The following CKAP2L variants were observed in gnomAD, a reference collection of about 807,000 sequenced individuals.
CKAP2L encodes cytoskeleton associated protein 2L.
CKAP2L carries 42 observed loss-of-function variants against 65.7 expected under a neutral mutation model. That is an observed-to-expected ratio of 0.64 (90% CI 0.50 to 0.83). The LOEUF (loss-of-function observed/expected upper bound fraction) is 0.83, where lower values mean the gene tolerates loss of function less well. Among genes scored for constraint, CKAP2L ranks in the 40% least tolerant of loss-of-function variants. The pLI is 0.00. For missense variants in CKAP2L, 908 were observed against 871.0 expected (o/e 1.04, Z -0.53); for synonymous variants, 325 against 313.5 (o/e 1.04, Z -0.39).
chr2:112,745,255 A>T (rs1680169266), intron 6 of CKAP2L, among the ~76,000 whole-genome samples: 1 of 152,240 alleles, frequency 6.6e-6, no homozygotes, highest in Non-Finnish European at 1.5e-5. Flanking sequence ...TTTGTGAATT[A>T]ATTATATAAT....
intron 5 of CKAP2L, among the ~76,000 whole-genome samples, chr2:112,748,435 C>T (rs1017807953): frequency 7.8e-6 from 1 of 128,830 alleles, no homozygotes; most frequent in African/African-American, 3.0e-5. Flanking sequence ...TTCCCCCAGC[C>T]AAACTATGAT....
intron 4 of CKAP2L, among the ~76,000 whole-genome samples, chr2:112,752,986 A>T (rs1007545692): frequency 6.6e-6 from 1 of 152,206 alleles, no homozygotes; most frequent in Non-Finnish European, 1.5e-5. Flanking sequence ...CTATAAAGTC[A>T]GGGCTCTTAA....
intron 6 of CKAP2L, among the ~76,000 whole-genome samples, chr2:112,743,764 A>C (rs1307570739): frequency 6.6e-6 from 1 of 152,098 alleles, no homozygotes; most frequent in Non-Finnish European, 1.5e-5. Flanking sequence ...AGGCATTTTG[A>C]GTAATTTTCT....
At chr2:112,762,946 A>G (rs913872605) in intron 1 of CKAP2L, among the ~76,000 whole-genome samples, 6 of 152,056 alleles carry the variant, frequency 3.9e-5, no homozygotes, top group African/African-American at 1.4e-4. Context: ...ACCATGCTGG[A>G]TAATTTTAAA....
In CKAP2L at chr2:112,756,582, T is replaced by C. The variant is rs17042341; in HGVS notation, c.789A>G (p.Arg263=). The C allele has an allele frequency of 4.3e-6, 7 of 1,612,986 alleles. No homozygotes were observed. The highest frequency in any genetic ancestry group is 2.5e-6 in the Non-Finnish European group (3 of 1,179,672). Reference sequence around the variant, plus strand: ...CTCCTGGTCTTGCAAGATCTGCTCCTCTAGAGAGTTGCTGTGATTTTACTG... The same window carrying C: ...CTCCTGGTCTTGCAAGATCTGCTCCCCTAGAGAGTTGCTGTGATTTTACTG... ...TFPVKSQQLS[R]GADLARPGVK... The change falls in exon 4 of 9, where the codon AGA becomes AGG. Residue 263 remains arginine (R), a synonymous_variant. Coordinates refer to ENST00000302450, the MANE Select transcript of CKAP2L (RefSeq NM_152515.5).
intron 1 of CKAP2L, 86 bp downstream of exon 1, chr2:112,764,476 C>A (rs1378101347): frequency 6.8e-7 from 1 of 1,467,882 alleles, no homozygotes; most frequent in Non-Finnish European, 9.5e-7. Flanking sequence ...CGGGCACCTC[C>A]CGCGGGACGA....
In CKAP2L at chr2:112,752,292, G is replaced by C. The variant is rs1680394616; in HGVS notation, c.1577C>G (p.Thr526Arg). ...CCCTTCGATGAGGTTCAGACATTCTGTCAGAGTGTTGTTAATTTTACTGGA... is the reference window on the plus strand; with the variant it reads ...CCCTTCGATGAGGTTCAGACATTCTCTCAGAGTGTTGTTAATTTTACTGGA... ...ELSSKINNTL[T>R]ECLNLIEGGV... Residue 526 changes from threonine (T) to arginine (R), a missense_variant, in exon 5 of 9, where the codon ACA becomes AGA. Coordinates refer to ENST00000302450, the MANE Select transcript of CKAP2L (RefSeq NM_152515.5). The C allele has an allele frequency of 2.5e-6, 4 of 1,613,728 alleles. No homozygotes were observed. Among genetic ancestry groups the C allele is most frequent in the African/African-American group, 1.3e-5 (1 of 74,924 alleles).
At chr2:112,761,929 A>G (rs1205963967) in intron 2 of CKAP2L, among the ~76,000 whole-genome samples, 1 of 152,266 alleles carries the variant, frequency 6.6e-6, no homozygotes, top group Non-Finnish European at 1.5e-5. Flanking sequence ...TAATTTTCAA[A>G]TAAATACTTA....
At position 112,738,203 on chromosome 2, in the gene CKAP2L, G is replaced by A. The variant is rs889204919; in HGVS notation, c.*620C>T. On this transcript the variant is annotated 3_prime_UTR_variant, in exon 9 of 9. Coordinates refer to ENST00000302450, the MANE Select transcript of CKAP2L (RefSeq NM_152515.5). ...CTAGGTTTGAATATAAAAGCTAGAC[G>A]ACCATGCCAATTCAGGATTGTGTTT... 1.3e-5 allele frequency: 2 copies of A among 152,138 alleles called. No individual in the cohort carries two copies. The highest frequency in any genetic ancestry group is 1.9e-4 in the East Asian group (1 of 5,194). 9.4% of individuals were successfully genotyped at this position (152,138 alleles called of 1,614,324 possible).
chr2:112,756,918 C>T lies in CKAP2L; in HGVS notation c.453G>A (p.Lys151=). 1 of 1,614,192 alleles carries T rather than the reference C, an allele frequency of 6.2e-7. No individual in the cohort carries two copies. The highest frequency in any genetic ancestry group is 8.5e-7 in the Non-Finnish European group (1 of 1,180,016). The change falls in exon 4 of 9, where the codon AAG becomes AAA. Residue 151 remains lysine (K), a synonymous_variant. Coordinates refer to ENST00000302450, the MANE Select transcript of CKAP2L (RefSeq NM_152515.5). ...CATTTCCTTGATCTGTTAACTGCTG[C>T]TTTGTAGTTTTCAATTGCTCTATAT... The part of the protein sequence containing the change: ...SLNIEQLKTT[K]QQLTDQGNGK...
chr2:112,747,665 C>T (rs1001009126), intron 5 of CKAP2L, among the ~76,000 whole-genome samples: 1 of 152,202 alleles, frequency 6.6e-6, no homozygotes, highest in Non-Finnish European at 1.5e-5. Flanking sequence ...CCCAGAAATC[C>T]AGGTACTGGC....
In CKAP2L at chr2:112,738,995, C is replaced by T. The variant is rs201984824; in HGVS notation, c.2066G>A (p.Arg689His). Residue 689 changes from arginine (R) to histidine (H), a missense_variant, in exon 9 of 9, where the codon CGT (arginine) becomes CAT (histidine). Physicochemically the swap from Arg to His is conservative, Grantham distance 29. Coordinates refer to ENST00000302450, the MANE Select transcript of CKAP2L (RefSeq NM_152515.5). ...QDMKFITPVR[R>H]SSRIERAVSR... Reference sequence around the variant, plus strand: ...CACTGCTCGCTCAATCCTCGACGAACGCCGTACAGGAGTGATAAATTTCAT... The same window carrying T: ...CACTGCTCGCTCAATCCTCGACGAATGCCGTACAGGAGTGATAAATTTCAT... The T allele has an allele frequency of 1.1e-4, 173 of 1,614,032 alleles. No homozygotes were observed. Among genetic ancestry groups the T allele is most frequent in the Non-Finnish European group, 1.3e-4 (157 of 1,180,030 alleles).
At chr2:112,750,088 T>C (rs1680320191) in intron 5 of CKAP2L, among the ~76,000 whole-genome samples, 2 of 152,092 alleles carry the variant, frequency 1.3e-5, no homozygotes, top group Admixed American at 1.3e-4. Context: ...ATCTGCTGGG[T>C]AGTATGCCTT....
chr2:112,756,821 T>A lies in CKAP2L; in HGVS notation c.550A>T (p.Asn184Tyr). The A allele has an allele frequency of 6.2e-7, 1 of 1,601,844 alleles. No homozygotes were observed. The highest frequency in any genetic ancestry group is 8.5e-7 in the Non-Finnish European group (1 of 1,176,576). ...AAGATATCGAGCAAGTTCTCTTTGTTTGTTTCTTTTAGAAAGTTATCCAAA... is the reference window on the plus strand; with the variant it reads ...AAGATATCGAGCAAGTTCTCTTTGTATGTTTCTTTTAGAAAGTTATCCAAA... Reference protein sequence around the residue: ...ESLDNFLKETNKENLLDILTE... With the variant: ...ESLDNFLKETYKENLLDILTE... The change falls in exon 4 of 9, where the codon AAC (asparagine) becomes TAC (tyrosine). Residue 184 changes from asparagine (N) to tyrosine (Y), a missense_variant. Physicochemically the swap from Asn to Tyr is moderately radical, Grantham distance 143 (BLOSUM62 -2). Transcript: ENST00000302450.
chr2:112,764,540 CG>C, intron 1 of CKAP2L, 21 bp downstream of exon 1: 1 of 1,613,764 alleles, frequency 6.2e-7, no homozygotes, highest in Non-Finnish European at 8.5e-7. Context: ...CTGAGAATAA[CG>C]GGAACAGCGG....
chr2:112,745,650 G>C (rs2104867103), intron 6 of CKAP2L, among the ~76,000 whole-genome samples: 1 of 152,182 alleles, frequency 6.6e-6, no homozygotes, highest in Non-Finnish European at 1.5e-5. Flanking sequence ...CCAAGTGCTG[G>C]GATTACAGGC....
intron 7 of CKAP2L, among the ~76,000 whole-genome samples, chr2:112,741,716 T>C (rs1679978810): frequency 6.6e-6 from 1 of 152,214 alleles, no homozygotes; most frequent in Non-Finnish European, 1.5e-5. Context: ...TCTTACCACA[T>C]GTAGTGGGTT....
In CKAP2L at chr2:112,738,846, C is replaced by T. The variant is rs1679602094; in HGVS notation, c.2215G>A (p.Gly739Arg). 6.2e-7 allele frequency: 1 copy of T among 1,611,668 alleles called. No homozygotes were observed. Among genetic ancestry groups the T allele is most frequent in the African/African-American group, 1.3e-5 (1 of 74,850 alleles). The part of the protein sequence containing the change: ...RRNEALPVTL[G>R]FQTPES ...AATTATGATTCAGGGGTTTGAAACC[C>T]CAATGTTACAGGCAGCGCCTCATTT... Residue 739 changes from glycine (G) to arginine (R), a missense_variant, in exon 9 of 9, where the codon GGG (glycine) becomes AGG (arginine). Physicochemically the swap from Gly to Arg is moderately radical, Grantham distance 125. Transcript: ENST00000302450.
intron 5 of CKAP2L, among the ~76,000 whole-genome samples, chr2:112,747,042 GC>G (rs1203815557): frequency 6.6e-6 from 1 of 151,492 alleles, no homozygotes; most frequent in African/African-American, 2.4e-5. Flanking sequence ...GCCCACCTCA[GC>G]CTCTTAACGT....
Sources: gnomAD v4.1 joint callset for allele counts (sites outside exome capture counted in the v4.1 genomes callset) on GRCh38, gnomAD v4.1.1 for gene constraint, MANE v1.5 for transcripts, NCBI Gene and HGNC (gene_info 2026-07-23, HGNC 2026-07-21) for gene names.